Variants in PKP2 observed in about 807,000 individuals in gnomAD.
The protein encoded by PKP2 is plakophilin-2.
PKP2 carries 73 observed loss-of-function variants against 83.4 expected under a neutral mutation model. That is an observed-to-expected ratio of 0.88 (90% CI 0.72 to 1.06). The LOEUF is 1.06. Among genes scored for constraint, PKP2 ranks in the 50% least tolerant of loss-of-function variants. The pLI is 0.00. For missense variants in PKP2, 966 were observed against 1,065.4 expected, an observed-to-expected ratio of 0.91 and a Z score of 1.30; for synonymous variants, 409 against 430.4, an observed-to-expected ratio of 0.95 and a Z score of 0.62.
Position 32,878,421 on chromosome 12 carries a change from G to C in PKP2, c.459C>G (p.Asp153Glu), listed in dbSNP as rs1273000081. The change falls in exon 3 of 13, where the codon GAC becomes GAG. Residue 153 changes from aspartate to glutamate, a missense_variant. Asp to Glu is a conservative substitution (Grantham distance 45, BLOSUM62 2). Transcript: ENST00000340811. ...HPLRRLEISP[D>E]SSPERAHYTH... Reference sequence around the variant, plus strand: ...TGTAGTGAGCCCTCTCCGGGCTGCTGTCAGGAGAAATCTCCAGTCTCCTCA... The same window carrying C: ...TGTAGTGAGCCCTCTCCGGGCTGCTCTCAGGAGAAATCTCCAGTCTCCTCA... 4 of 1,614,086 alleles carry C rather than the reference G, an allele frequency of 2.5e-6. No individual in the cohort carries two copies. Among genetic ancestry groups the C allele is most frequent in the East Asian group, 4.5e-5 (2 of 44,876 alleles).
chr12:32,855,599 A>AC (rs1173088758), intron 4 of PKP2, among the ~76,000 whole-genome samples: 1 of 152,018 alleles, frequency 6.6e-6, no homozygotes, highest in Non-Finnish European at 1.5e-5. Flanking sequence ...ACATAGTGAA[A>AC]CCCCGTCTCT....
chr12:32,886,489 G>C lies in PKP2; in HGVS notation c.224-7457C>G, dbSNP rs540279718. Among the ~76,000 whole-genome samples, 23 of 152,286 alleles carry C rather than the reference G, an allele frequency of 1.5e-4. 1 individual carries two copies. The South Asian group carries it at 4.6e-3, about 30-fold the overall frequency. On this transcript the variant is annotated intron_variant, in intron 1 of 12. Transcript: ENST00000340811. ...AGACCATACGTATGTCCGCACTCCT[G>C]AGTTGGTGAAGGAATTTTTTTTGTT...
chr12:32,838,648 T>C (rs1956563350), intron 6 of PKP2, among the ~76,000 whole-genome samples: 1 of 152,236 alleles, frequency 6.6e-6, no homozygotes, highest in East Asian at 1.9e-4. Flanking sequence ...GTTCACTCAT[T>C]CATTTATTCA....
intron 5 of PKP2, chr12:32,843,130 C>A: frequency 2.4e-6 from 1 of 422,280 alleles, no homozygotes. Flanking sequence ...CAGGCGCAGA[C>A]CACGACACCC....
intron 4 of PKP2, among the ~76,000 whole-genome samples, chr12:32,867,255 A>C (rs970494580): frequency 1.3e-5 from 2 of 152,136 alleles, no homozygotes; most frequent in African/African-American, 2.4e-5. Context: ...TTGAGCCCAG[A>C]AAGTTGAGGC....
rs142345736 is a variant in PKP2 at position 32,805,278 on chromosome 12, C to T, written c.2014-2722G>A. 2.2e-4 allele frequency among the ~76,000 whole-genome samples: 33 copies of T among 151,822 alleles called. No individual in the cohort carries two copies. The East Asian group carries it at 5.2e-3, about 24-fold the overall frequency. The stretch of plus-strand genomic sequence containing the variant: ...TGTCTGTTCACTCTGATGATAGTTT[C>T]TTTTGCTGTGCAGAAGCTCTTTAGT... On this transcript the variant is annotated intron_variant, in intron 9 of 12. Transcript: ENST00000340811.
chr12:32,874,176 C>T (rs529912993), intron 3 of PKP2, among the ~76,000 whole-genome samples: 1 of 152,242 alleles, frequency 6.6e-6, no homozygotes, highest in East Asian at 1.9e-4. Flanking sequence ...AAGAATACTC[C>T]TTTACATGTG....
intron 6 of PKP2, among the ~76,000 whole-genome samples, chr12:32,831,393 A>AC (rs1352861761): frequency 6.6e-6 from 1 of 152,176 alleles, no homozygotes; most frequent in Non-Finnish European, 1.5e-5. Context: ...TTGGAATAAG[A>AC]CCTTGTGTCA....
At chr12:32,870,322 G>A (rs1375230309) in intron 3 of PKP2, among the ~76,000 whole-genome samples, 1 of 152,030 alleles carries the variant, frequency 6.6e-6, no homozygotes, top group Non-Finnish European at 1.5e-5. Flanking sequence ...GGTGCAGGTG[G>A]GGTGATAAGG....
chr12:32,819,006 G>T (rs1029072223), intron 9 of PKP2, among the ~76,000 whole-genome samples: 27 of 152,230 alleles, frequency 1.8e-4, no homozygotes, highest in African/African-American at 6.5e-4. Context: ...GGCTGAGTGC[G>T]GTGGCTCACA....
At chr12:32,793,217 G>A (rs571197880) in intron 11 of PKP2, among the ~76,000 whole-genome samples, 1 of 152,180 alleles carries the variant, frequency 6.6e-6, no homozygotes, top group African/African-American at 2.4e-5. Flanking sequence ...CTCCAGCCTG[G>A]TGACAAAGCT....
At chr12:32,881,612 C>T (rs956499450) in intron 1 of PKP2, among the ~76,000 whole-genome samples, 3 of 152,070 alleles carry the variant, frequency 2.0e-5, no homozygotes, top group African/African-American at 7.2e-5. Flanking sequence ...AGGACGCTGA[C>T]ATTTATTATT....
At chr12:32,868,419 T>TG (rs2137917469) in intron 4 of PKP2, among the ~76,000 whole-genome samples, 1 of 152,222 alleles carries the variant, frequency 6.6e-6, no homozygotes, top group South Asian at 2.1e-4. Flanking sequence ...GGTTTCATCA[T>TG]TTGGCCAGGC....
chr12:32,872,314 C>T (rs1263945490), intron 3 of PKP2, among the ~76,000 whole-genome samples: 2 of 152,084 alleles, frequency 1.3e-5, no homozygotes, highest in Admixed American at 6.6e-5. Flanking sequence ...GGGTGAAGCA[C>T]CTGAGGTCAG....
chr12:32,819,490 G>A (rs1210296814), intron 9 of PKP2, among the ~76,000 whole-genome samples: 1 of 151,970 alleles, frequency 6.6e-6, no homozygotes, highest in African/African-American at 2.4e-5. Context: ...GGCCCCTTAG[G>A]TATGACTTGG....
At position 32,828,704 on chromosome 12, in the gene PKP2, T is replaced by C. The variant is rs144177444; in HGVS notation, c.1557-4542A>G. ...CAGGGGTGCTGTCAAATATGCTTAA[T>C]TGACCAGTGCTGAAAGGAAGTTTGT... On this transcript the variant is annotated intron_variant, in intron 6 of 12. Transcript: ENST00000340811. Among the ~76,000 whole-genome samples the C allele has an allele frequency of 1.8e-3, 279 of 152,330 alleles. 1 individual carries two copies. Among genetic ancestry groups the C allele is most frequent in the African/African-American group, 6.4e-3 (268 of 41,572 alleles).
chr12:32,892,681 T>C (rs1957084269), intron 1 of PKP2, among the ~76,000 whole-genome samples: 1 of 152,046 alleles, frequency 6.6e-6, no homozygotes, highest in Non-Finnish European at 1.5e-5. Context: ...AAGATAATAG[T>C]GTGCCTCAAG....
intron 10 of PKP2, among the ~76,000 whole-genome samples, chr12:32,798,132 T>A (rs574773974): frequency 1.8e-4 from 25 of 137,130 alleles, no homozygotes; most frequent in African/African-American, 6.7e-4. Context: ...TTGCCCAGGC[T>A]GGAGTGCAAT....
At chr12:32,848,704 A>G (rs1956670341) in intron 5 of PKP2, among the ~76,000 whole-genome samples, 1 of 152,268 alleles carries the variant, frequency 6.6e-6, no homozygotes, top group African/African-American at 2.4e-5. Context: ...TATGCTGAGT[A>G]CCTGGGTGAC....
Sources: allele counts gnomAD v4.1 joint callset (sites outside exome capture counted in the v4.1 genomes callset), GRCh38; gene constraint gnomAD v4.1.1; transcripts MANE v1.5; gene names NCBI Gene and HGNC (gene_info 2026-07-23, HGNC 2026-07-21).